The following ADAMTSL1 variants were observed in gnomAD, a reference collection of about 807,000 sequenced individuals.
ADAMTSL1 encodes the protein ADAMTS-like protein 1.
A neutral mutation model predicts 201.8 loss-of-function variants in ADAMTSL1; 126 were observed. The ratio of observed to expected loss-of-function variants is 0.62; its 90% CI spans 0.54 to 0.72. ADAMTSL1 has a LOEUF of 0.72. ADAMTSL1 is among the 30% of genes least tolerant of loss of function. The pLI is 0.00. For missense variants in ADAMTSL1, 2,679 were observed against 2,277.8 expected (o/e 1.18, Z -3.59); for synonymous variants, 1,121 against 903.4 (o/e 1.24, Z -4.32).
In ADAMTSL1 at chr9:18,671,772, C is replaced by T. The variant is rs564228589; in HGVS notation, c.1086-4085C>T. 8.0e-4 allele frequency among the ~76,000 whole-genome samples: 121 copies of T among 152,138 alleles called. 1 individual carries two copies. The highest frequency in any genetic ancestry group is 1.1e-3 in the Non-Finnish European group (75 of 67,992). On this transcript the variant is annotated intron_variant, in intron 9 of 28. Transcript: ENST00000380548. ...TCATTATAAAAAGAACAGAACCGGCCGGGTGTGGTGGCTCATGCCTGTGAG... is the reference window on the plus strand; with the variant it reads ...TCATTATAAAAAGAACAGAACCGGCTGGGTGTGGTGGCTCATGCCTGTGAG...
intron 9 of ADAMTSL1, 128 bp downstream of exon 9, chr9:18,662,201 T>C (rs1829139330): frequency 1.6e-6 from 2 of 1,237,702 alleles, no homozygotes; most frequent in Non-Finnish European, 2.2e-6. Flanking sequence ...TGCTGTCCAG[T>C]GTTCATTACT....
chr9:18,081,854 A>G (rs1482809606), intron 1 of ADAMTSL1, among the ~76,000 whole-genome samples: 3 of 152,222 alleles, frequency 2.0e-5, no homozygotes, highest in Admixed American at 6.5e-5. Flanking sequence ...AGTGAAGAAA[A>G]GCTATGTAAC....
intron 26 of ADAMTSL1, among the ~76,000 whole-genome samples, chr9:18,900,465 G>C (rs528201351): frequency 4.6e-5 from 7 of 152,174 alleles, no homozygotes; most frequent in Admixed American, 4.6e-4. Flanking sequence ...CTATTACAAA[G>C]ATACATGCAT....
chr9:18,179,414 A>T (rs1204379994), intron 2 of ADAMTSL1, among the ~76,000 whole-genome samples: 2 of 152,228 alleles, frequency 1.3e-5, no homozygotes, highest in African/African-American at 4.8e-5. Context: ...TGTACCTGAA[A>T]GTGACGGGGA....
chr9:18,877,593 C>G (rs1828246468), intron 23 of ADAMTSL1, among the ~76,000 whole-genome samples: 1 of 152,126 alleles, frequency 6.6e-6, no homozygotes, highest in South Asian at 2.1e-4. Flanking sequence ...GTCTTCAGGT[C>G]TCTCAGCCAT....
At chr9:18,649,091 T>G (rs1489698048) in intron 7 of ADAMTSL1, among the ~76,000 whole-genome samples, 3 of 152,204 alleles carry the variant, frequency 2.0e-5, no homozygotes. Context: ...TCGTTTCTTT[T>G]TATTCTTTTT....
At chr9:18,330,126 T>C (rs1261594225) in intron 2 of ADAMTSL1, among the ~76,000 whole-genome samples, 1 of 152,206 alleles carries the variant, frequency 6.6e-6, no homozygotes, top group Non-Finnish European at 1.5e-5. Context: ...AAAATGTCCT[T>C]ATTTAATCAG....
chr9:18,105,906 C>A (rs1030365051), intron 1 of ADAMTSL1, among the ~76,000 whole-genome samples: 1 of 152,176 alleles, frequency 6.6e-6, no homozygotes, highest in Non-Finnish European at 1.5e-5. Context: ...TAGGAAGACT[C>A]ATCAAATAAC....
chr9:18,311,617 G>A (rs374906547), intron 2 of ADAMTSL1, among the ~76,000 whole-genome samples: 1 of 152,224 alleles, frequency 6.6e-6, no homozygotes, highest in South Asian at 2.1e-4. Flanking sequence ...GTCTCAGGAA[G>A]GCTACAGACC....
chr9:18,743,670 C>T (rs1447238921), intron 15 of ADAMTSL1, among the ~76,000 whole-genome samples: 2 of 152,118 alleles, frequency 1.3e-5, no homozygotes, highest in Non-Finnish European at 2.9e-5. Flanking sequence ...TCTACTATTT[C>T]CTGAGCCGTG....
intron 16 of ADAMTSL1, among the ~76,000 whole-genome samples, chr9:18,767,026 G>A (rs950975174): frequency 6.6e-6 from 1 of 152,072 alleles, no homozygotes; most frequent in African/African-American, 2.4e-5. Flanking sequence ...GGGAAGGGTG[G>A]TAAAAAAAAG....
chr9:18,038,797 G>A (rs1160742079), intron 1 of ADAMTSL1, among the ~76,000 whole-genome samples: 1 of 152,190 alleles, frequency 6.6e-6, no homozygotes, highest in Admixed American at 6.5e-5. Flanking sequence ...TAAAGAAGAT[G>A]TGCTTGTTCC....
intron 19 of ADAMTSL1, among the ~76,000 whole-genome samples, chr9:18,785,246 C>G (rs566977640): frequency 2.5e-4 from 38 of 152,158 alleles, no homozygotes; most frequent in African/African-American, 8.9e-4. Flanking sequence ...TGATTATAAC[C>G]TTAGTTGAAT....
chr9:18,294,257 A>G (rs1342533826), intron 2 of ADAMTSL1, among the ~76,000 whole-genome samples: 1 of 152,218 alleles, frequency 6.6e-6, no homozygotes, highest in Non-Finnish European at 1.5e-5. Flanking sequence ...CTTTAGCAGG[A>G]GTGTATTTAT....
chr9:18,005,704 A>G (rs572225572), intron 1 of ADAMTSL1, among the ~76,000 whole-genome samples: 1 of 152,224 alleles, frequency 6.6e-6, no homozygotes, highest in Non-Finnish European at 1.5e-5. Flanking sequence ...AGTGAGTGAT[A>G]GGAGTATGGA....
At chr9:17,989,771 CAT>C (rs926145643) in intron 1 of ADAMTSL1, among the ~76,000 whole-genome samples, 1 of 151,386 alleles carries the variant, frequency 6.6e-6, no homozygotes, top group African/African-American at 2.4e-5. Context: ...GTCATTTTTT[CAT>C]ATGTTTGTTG....
Position 18,442,701 on chromosome 9 carries a change from G to C in ADAMTSL1, c.208-62128G>C, listed in dbSNP as rs564928595. ...ACATACCTTTAGCTGCTATGATAAG[G>C]AGAAGAACCTTACAGATTTTTCTTT... is the stretch of plus-strand genomic sequence containing the variant. On this transcript the variant is annotated intron_variant, in intron 2 of 29. Transcript: ENST00000680146. Among the ~76,000 whole-genome samples, 3 of 152,270 alleles carry C rather than the reference G, an allele frequency of 2.0e-5. No individual in the cohort carries two copies. The East Asian group carries it at 5.8e-4, about 29-fold the overall frequency.
At chr9:18,101,440 G>C (rs1232414838) in intron 1 of ADAMTSL1, among the ~76,000 whole-genome samples, 1 of 151,660 alleles carries the variant, frequency 6.6e-6, no homozygotes, top group Admixed American at 6.6e-5. Flanking sequence ...GGAGGTTGCA[G>C]TGAGCCAAGA....
At chr9:18,580,931 T>A (rs1011077019) in intron 4 of ADAMTSL1, among the ~76,000 whole-genome samples, 1 of 151,998 alleles carries the variant, frequency 6.6e-6, no homozygotes, top group Non-Finnish European at 1.5e-5. Flanking sequence ...TTGGTTTCAT[T>A]TATCATCTGC....
Sources: allele counts gnomAD v4.1 joint callset (sites outside exome capture counted in the v4.1 genomes callset), GRCh38; gene constraint gnomAD v4.1.1; transcripts MANE v1.5; gene names NCBI Gene and HGNC (gene_info 2026-07-23, HGNC 2026-07-21).